The following MROH1 variants were observed in gnomAD, a reference collection of about 807,000 sequenced individuals.
The protein encoded by MROH1 is maestro heat-like repeat-containing protein family member 1.
MROH1 carries 117 observed loss-of-function variants against 116.5 expected under a neutral mutation model. The observed-to-expected ratio is 1.00, with a 90% CI of 0.86 to 1.17. The LOEUF is 1.17. Ranked by LOEUF, MROH1 falls within the 50% of genes most tolerant of loss-of-function variation. The pLI, the probability that MROH1 is intolerant of heterozygous loss-of-function variation, is 0.00. For synonymous variants in MROH1, 921 were observed against 583.9 expected (o/e 1.58, Z -8.32); for missense variants, 1,873 against 1,338.5 (o/e 1.40, Z -6.23).
intron 17 of MROH1, 25 bp from the exon 18 acceptor site, chr8:144,239,589 C>G: frequency 1.3e-6 from 1 of 770,262 alleles, no homozygotes; most frequent in Non-Finnish European, 2.4e-6. Context: ...TGCTCAGACC[C>G]GGCTCCCACG....
At chr8:144,156,780 C>CTTTTTT (rs1188353149) in intron 1 of MROH1, among the ~76,000 whole-genome samples, 1 of 82,412 alleles carries the variant, frequency 1.2e-5, no homozygotes, top group African/African-American at 4.3e-5. Context: ...AGTTTAATTT[C>CTTTTTT]TTTTTTTTTT....
In MROH1 at chr8:144,182,026, A is replaced by C. The variant is rs990059061; in HGVS notation, c.562+1503A>C. On this transcript the variant is annotated intron_variant, in intron 7 of 43. Coordinates refer to ENST00000326134, the MANE Select transcript of MROH1 (RefSeq NM_032450.3). The surrounding 1 kb of genome is among the most constrained non-coding windows in gnomAD (Gnocchi z 4.1). ...CATGGGTTCAGCCAGCGAAGATTCC[A>C]TGGGACCTCCTCGTGTGGGACGTGT... 4.6e-5 allele frequency among the ~76,000 whole-genome samples: 7 copies of C among 152,102 alleles called. No homozygotes were observed. Among genetic ancestry groups the C allele is most frequent in the Non-Finnish European group, 1.0e-4 (7 of 67,992 alleles).
At chr8:144,151,619 C>A (rs1816813519) in intron 1 of MROH1, among the ~76,000 whole-genome samples, 1 of 152,214 alleles carries the variant, frequency 6.6e-6, no homozygotes, top group Admixed American at 6.5e-5. Context: ...AGGGCAAGAA[C>A]CCGGGATACA....
rs1418677435 is a variant in MROH1, at chr8:144,200,503, G to A, written c.1103G>A (p.Gly368Asp). 1.9e-6 allele frequency: 3 copies of A among 1,551,592 alleles called. No homozygotes were observed. The highest frequency in any genetic ancestry group is 2.6e-6 in the Non-Finnish European group (3 of 1,147,494). ...LDTSNERTRV[G>D]TLQVVRHVIN... is the part of the protein sequence containing the mutation. ...ACCAGCAATGAGAGGACCCGCGTGG[G>A]CACCCTGCAGGTGGTCAGACATGTC... Residue 368 changes from glycine to aspartate, a missense_variant, in exon 12 of 44, where the codon GGC (glycine) becomes GAC (aspartate). By Grantham distance (94) the Gly-to-Asp change is moderately conservative. Transcript: ENST00000326134.
chr8:144,200,353 T>G (rs902799510), intron 11 of MROH1, 75 bp from the exon 12 acceptor site: 3 of 1,195,144 alleles, frequency 2.5e-6, no homozygotes, highest in Admixed American at 2.4e-5. Context: ...TCCCCTGTGC[T>G]GGAGAGTAGG....
chr8:144,175,369 T>G, intron 4 of MROH1: 1 of 468,360 alleles, frequency 2.1e-6, no homozygotes, highest in Non-Finnish European at 2.8e-6. Flanking sequence ...CAGCAACAGG[T>G]CTGGTCGGAT....
rs1217213988 is a variant in MROH1, at chr8:144,258,203, CAG to C, written c.3792-569_3792-568del. 2.8e-3 allele frequency among the ~76,000 whole-genome samples: 433 copies of C among 152,334 alleles called. 1 individual carries two copies. The highest frequency in any genetic ancestry group is 4.5e-3 in the Non-Finnish European group (305 of 68,022). On this transcript the variant is annotated intron_variant, in intron 35 of 43. Coordinates refer to ENST00000326134, the MANE Select transcript of MROH1 (RefSeq NM_032450.3). ...CTTGCCTGGTGGAGGTCTGGGGAGT[CAG>C]AGAGTTGGCCAAGGTGGCCCCCATT...
intron 12 of MROH1, among the ~76,000 whole-genome samples, chr8:144,206,203 G>A (rs1273069157): frequency 1.3e-5 from 2 of 151,782 alleles, no homozygotes; most frequent in Admixed American, 6.6e-5. Context: ...GAGTGTACCC[G>A]GCCCACCGTT....
intron 1 of MROH1, among the ~76,000 whole-genome samples, chr8:144,148,357 C>T (rs1283866983): frequency 6.6e-6 from 1 of 152,180 alleles, no homozygotes; most frequent in African/African-American, 2.4e-5. Context: ...GCGACCACCC[C>T]TCTTCGGGGA....
Position 144,199,113 on chromosome 8 carries a change from C to T in MROH1, c.949-9C>T. The T allele has an allele frequency of 6.2e-7, 1 of 1,613,426 alleles. No individual in the cohort carries two copies. The highest frequency in any genetic ancestry group is 8.5e-7 in the Non-Finnish European group (1 of 1,179,656). On this transcript the variant is annotated splice_polypyrimidine_tract_variant and intron_variant, in intron 10 of 43. Transcript: ENST00000326134. ...CTGGTCTATAACCTCGGCCCCGTTC[C>T]TGGAGCAGATCTGTGTGCCTGTGGA... is the stretch of plus-strand genomic sequence containing the variant.
chr8:144,230,138 T>C (rs1324593049), intron 14 of MROH1, among the ~76,000 whole-genome samples: 1 of 152,232 alleles, frequency 6.6e-6, no homozygotes, highest in Non-Finnish European at 1.5e-5. Flanking sequence ...ATTTTTGTTA[T>C]GGAGATGGCT....
intron 12 of MROH1, among the ~76,000 whole-genome samples, chr8:144,207,931 GT>G (rs952516623): frequency 1.4e-4 from 20 of 142,376 alleles, no homozygotes; most frequent in East Asian, 4.2e-4. Flanking sequence ...GGCAAGGTGT[GT>G]TTTTTTTTAA....
chr8:144,239,436 G>A, intron 17 of MROH1, 73 bp downstream of exon 17: 1 of 779,106 alleles, frequency 1.3e-6, no homozygotes, highest in Non-Finnish European at 2.4e-6. Context: ...GCTTGGAAGG[G>A]GTTACCTTCT....
chr8:144,247,126 G>A (rs974643348), intron 29 of MROH1, among the ~76,000 whole-genome samples, 175 bp from the exon 30 acceptor site: 1 of 152,220 alleles, frequency 6.6e-6, no homozygotes, highest in African/African-American at 2.4e-5. Context: ...CCACGCTGCA[G>A]CAGGAGGGGA....
rs939363002 is a variant in MROH1 at position 144,244,996 on chromosome 8, C to T, written c.2767-160C>T. On this transcript the variant is annotated intron_variant, in intron 28 of 43. Transcript: ENST00000326134. ...CAGAGTGGCAGGGCCAGAGGAGCTA[C>T]GGTGGCCTAAGGCTGGCACCACTCT... Among the ~76,000 whole-genome samples, 147 of 152,268 alleles carry T rather than the reference C, an allele frequency of 9.7e-4. 2 individuals are homozygous for T. Among genetic ancestry groups the T allele is most frequent in the East Asian group, 9.7e-3 (50 of 5,180 alleles).
chr8:144,193,614 T>A (rs1471157194), intron 10 of MROH1, among the ~76,000 whole-genome samples: 1 of 152,180 alleles, frequency 6.6e-6, no homozygotes, highest in African/African-American at 2.4e-5. Flanking sequence ...TTATTTATTA[T>A]TTATTTATTT....
intron 10 of MROH1, among the ~76,000 whole-genome samples, chr8:144,198,625 T>TC (rs1830449995): frequency 1.3e-5 from 2 of 152,140 alleles, no homozygotes; most frequent in South Asian, 4.1e-4. Context: ...ACTTTTTTTT[T>TC]CCTTATAACT....
chr8:144,233,076 T>C (rs1839254860), intron 14 of MROH1, among the ~76,000 whole-genome samples: 1 of 150,294 alleles, frequency 6.7e-6, no homozygotes, highest in East Asian at 2.0e-4. Flanking sequence ...GAAGTCTTTC[T>C]GCCTTGGCCT....
In MROH1 at chr8:144,168,337, C is replaced by T. The variant is rs139752012; in HGVS notation, c.65C>T (p.Pro22Leu). 710 of 1,610,358 alleles carry T rather than the reference C, an allele frequency of 4.4e-4. No individual in the cohort carries two copies. Among genetic ancestry groups the T allele is most frequent in the Non-Finnish European group, 5.3e-4 (621 of 1,179,606 alleles). ...TLLDAITDKD[P>L]LVQEQVCSAL... ...CTGGACGCCATCACCGATAAGGACC[C>T]CCTGGTGCAGGAGCAGGTCTGCAGT... Residue 22 changes from proline to leucine, a missense_variant, in exon 4 of 44, where the codon CCC becomes CTC. Pro to Leu is a moderately conservative substitution (Grantham distance 98, BLOSUM62 -3). Coordinates refer to ENST00000326134, the MANE Select transcript of MROH1 (RefSeq NM_032450.3).
Sources: allele counts gnomAD v4.1 joint callset (sites outside exome capture counted in the v4.1 genomes callset), GRCh38; gene constraint gnomAD v4.1.1; non-coding constraint Gnocchi (gnomAD v3.1); transcripts MANE v1.5; gene names NCBI Gene and HGNC (gene_info 2026-07-23, HGNC 2026-07-21).